The following LGR6 variants were observed in gnomAD, a reference collection of about 807,000 sequenced individuals.
LGR6 encodes leucine rich repeat containing G protein-coupled receptor 6.
In LGR6, 45 loss-of-function variants were observed where a neutral mutation model predicts 69.4. The ratio of observed to expected loss-of-function variants is 0.65; its 90% CI spans 0.51 to 0.83. The LOEUF is 0.83. Ranked by LOEUF, LGR6 falls within the 40% of genes least tolerant of loss-of-function variation. The pLI is 0.00. For synonymous variants in LGR6, 538 were observed against 555.0 expected (o/e 0.97, Z 0.43); for missense variants, 1,108 against 1,246.7 (o/e 0.89, Z 1.68).
At chr1:202,254,726 G>A (rs1288943811) in intron 4 of LGR6, among the ~76,000 whole-genome samples, 1 of 152,172 alleles carries the variant, frequency 6.6e-6, no homozygotes, top group African/African-American at 2.4e-5. Flanking sequence ...TGCTGGGTGA[G>A]TGTGCCAGCA....
chr1:202,261,889 G>C (rs1270393435), intron 4 of LGR6, among the ~76,000 whole-genome samples: 4 of 152,178 alleles, frequency 2.6e-5, no homozygotes, highest in African/African-American at 9.7e-5. Context: ...CTTCTTTTGA[G>C]AAGTGTCTGT....
rs1654316297 is a variant in LGR6, at chr1:202,318,259, G to A, written c.1956G>A (p.Gly652=). Residue 652 remains glycine (G), a synonymous_variant, in exon 18 of 18, where the codon GGG becomes GGA. Transcript: ENST00000367278. ...CRATGFLAVL[G]SEASVLLLTL... ...CCACTGGCTTCCTGGCAGTACTTGG[G>A]TCGGAGGCATCGGTGCTGCTGCTCA... 5.0e-6 allele frequency: 8 copies of A among 1,609,878 alleles called. No individual in the cohort carries two copies. The highest frequency in any genetic ancestry group is 6.8e-6 in the Non-Finnish European group (8 of 1,178,050).
intron 17 of LGR6, among the ~76,000 whole-genome samples, chr1:202,315,096 G>A (rs1313336183): frequency 6.6e-6 from 1 of 152,206 alleles, no homozygotes; most frequent in Non-Finnish European, 1.5e-5. Context: ...CATGAATGGA[G>A]GCGAAGTCAA....
Position 202,235,934 on chromosome 1 carries a change from C to A in LGR6, c.369C>A (p.Asn123Lys). ...TCTTCTCCCGTAGGATGCTGCAGAA[C>A]AATCAGCTGGGAGGAATCCCCGCAG... Reference protein sequence around the residue: ...LYSLKILMLQNNQLGGIPAEA... With the variant: ...LYSLKILMLQKNQLGGIPAEA... Residue 123 changes from asparagine to lysine, a missense_variant, in exon 4 of 18, where the codon AAC becomes AAA. Transcript: ENST00000367278. The A allele has an allele frequency of 6.2e-7, 1 of 1,614,052 alleles. No homozygotes were observed. The highest frequency in any genetic ancestry group is 8.5e-7 in the Non-Finnish European group (1 of 1,180,002).
chr1:202,204,389 C>CTTCAA, intron 1 of LGR6, among the ~76,000 whole-genome samples: 1 of 127,328 alleles, frequency 7.9e-6, no homozygotes, highest in South Asian at 2.8e-4. Flanking sequence ...CACACACCTC[C>CTTCAA]ACACACACAC....
intron 6 of LGR6, among the ~76,000 whole-genome samples, chr1:202,291,029 T>C (rs1666755534): frequency 6.6e-6 from 1 of 152,168 alleles, no homozygotes; most frequent in Non-Finnish European, 1.5e-5. Context: ...AAATTAGGCA[T>C]GTGGGTCCTT....
chr1:202,282,565 G>C (rs1193202253), intron 6 of LGR6, among the ~76,000 whole-genome samples: 1 of 152,148 alleles, frequency 6.6e-6, no homozygotes, highest in Non-Finnish European at 1.5e-5. Flanking sequence ...GAGCTTTTAG[G>C]GCAGTGTTTG....
At chr1:202,216,815 T>C (rs1659816165) in intron 1 of LGR6, among the ~76,000 whole-genome samples, 1 of 152,118 alleles carries the variant, frequency 6.6e-6, no homozygotes, top group African/African-American at 2.4e-5. Context: ...GAAGGAGCCA[T>C]TGAAGGAGAA....
chr1:202,310,320 G>T lies in LGR6; in HGVS notation c.1530G>T (p.Arg510Ser), dbSNP rs971568602. Residue 510 changes from arginine (R) to serine (S), a missense_variant, in exon 16 of 18, where the codon AGG becomes AGT. Transcript: ENST00000367278. ...LHLDDEESSK[R>S]PLGLLARQAE... ...TTGATGATGAGGAGTCTTCAAAAAG[G>T]CCCCTGGGCCTCCTTGCCAGACAAG... 9 of 1,613,852 alleles carry T rather than the reference G, an allele frequency of 5.6e-6. No individual in the cohort carries two copies. The highest frequency in any genetic ancestry group is 1.3e-5 in the African/African-American group (1 of 74,866).
At chr1:202,300,096 T>G (rs183276648) in intron 7 of LGR6, among the ~76,000 whole-genome samples, 4 of 152,224 alleles carry the variant, frequency 2.6e-5, no homozygotes, top group African/African-American at 9.6e-5. Context: ...CAGCCTCCAT[T>G]TGAGGAACAT....
chr1:202,258,023 C>T (rs1327029934), intron 4 of LGR6, among the ~76,000 whole-genome samples: 4 of 151,834 alleles, frequency 2.6e-5, no homozygotes, highest in Non-Finnish European at 5.9e-5. Flanking sequence ...ATAGGTTTTG[C>T]ACTGTTTTTG....
chr1:202,203,907 G>A (rs770242710), intron 1 of LGR6: 2 of 1,535,668 alleles, frequency 1.3e-6, no homozygotes, highest in Non-Finnish European at 9.0e-7. Context: ...GATCCTCCTT[G>A]GGGGGTGTTT....
At chr1:202,260,140 G>A (rs1463244726) in intron 4 of LGR6, among the ~76,000 whole-genome samples, 1 of 152,188 alleles carries the variant, frequency 6.6e-6, no homozygotes, top group Non-Finnish European at 1.5e-5. Flanking sequence ...CTGGGTTCAA[G>A]TGATTCTCCT....
chr1:202,281,901 A>G (rs1666033246), intron 6 of LGR6, among the ~76,000 whole-genome samples: 1 of 152,182 alleles, frequency 6.6e-6, no homozygotes, highest in Middle Eastern at 3.4e-3. Flanking sequence ...CTGGGAAGCA[A>G]TGTACTGGGG....
At position 202,261,111 on chromosome 1, in the gene LGR6, T is replaced by C. The variant is rs188507585; in HGVS notation, c.429-15195T>C. On this transcript the variant is annotated intron_variant, in intron 4 of 17. Coordinates refer to ENST00000367278, the MANE Select transcript of LGR6 (RefSeq NM_001017403.2). The stretch of plus-strand genomic sequence containing the variant: ...TATTATTATTATTATACTTTAAGTT[T>C]TAGGGTACATGTGCACAATGTGCAG... Among the ~76,000 whole-genome samples the C allele has an allele frequency of 7.9e-3, 1,200 of 152,136 alleles. 20 individuals are homozygous for C. The highest frequency in any genetic ancestry group is 0.027 in the African/African-American group (1,139 of 41,514).
chr1:202,237,586 A>T (rs1363797910), intron 4 of LGR6, among the ~76,000 whole-genome samples: 1 of 152,090 alleles, frequency 6.6e-6, no homozygotes, highest in Non-Finnish European at 1.5e-5. Flanking sequence ...TTGCTTTCGG[A>T]CTAGGCATGG....
At chr1:202,287,901 A>G (rs573768945) in intron 6 of LGR6, among the ~76,000 whole-genome samples, 2 of 152,252 alleles carry the variant, frequency 1.3e-5, no homozygotes, top group African/African-American at 2.4e-5. Flanking sequence ...TCATCCTACA[A>G]TCTGTTTTCA....
chr1:202,217,919 CTT>C (rs1215069536), intron 1 of LGR6, among the ~76,000 whole-genome samples: 1 of 152,218 alleles, frequency 6.6e-6, no homozygotes, highest in Non-Finnish European at 1.5e-5. Context: ...GATAGACACA[CTT>C]TTTCCTGATG....
At chr1:202,217,107 C>T (rs1377768619) in intron 1 of LGR6, among the ~76,000 whole-genome samples, 1 of 152,240 alleles carries the variant, frequency 6.6e-6, no homozygotes, top group African/African-American at 2.4e-5. Context: ...GATTCCCCTG[C>T]AGTGCTGAGG....
Sources: gnomAD v4.1 joint callset for allele counts (sites outside exome capture counted in the v4.1 genomes callset) on GRCh38, gnomAD v4.1.1 for gene constraint, MANE v1.5 for transcripts, NCBI Gene and HGNC (gene_info 2026-07-23, HGNC 2026-07-21) for gene names.